The following ATRNL1 variants were observed in gnomAD, a reference collection of about 807,000 sequenced individuals.
ATRNL1 encodes attractin-like protein 1.
In ATRNL1, 95 loss-of-function variants were observed where a neutral mutation model predicts 182.7. The ratio of observed to expected loss-of-function variants is 0.52; its 90% CI spans 0.44 to 0.62. The LOEUF (loss-of-function observed/expected upper bound fraction) is 0.62. ATRNL1 is among the 20% of genes least tolerant of loss of function. The pLI is 0.00. For synonymous variants in ATRNL1, 576 were observed against 568.3 expected (o/e 1.01, Z -0.19); for missense variants, 1,471 against 1,679.5 (o/e 0.88, Z 2.17).
In ATRNL1 at chr10:115,202,939, C is replaced by A. The variant is rs568560918; in HGVS notation, c.1349-12758C>A. Among the ~76,000 whole-genome samples, 196 of 151,166 alleles carry A rather than the reference C, an allele frequency of 1.3e-3. 1 individual carries two copies. Among genetic ancestry groups the A allele is most frequent in the Admixed American group, 2.8e-3 (42 of 15,158 alleles). On this transcript the variant is annotated intron_variant, in intron 8 of 28. Transcript: ENST00000355044. ...GTTATTGGTCTATTCAGAGATTCAA[C>A]TTCTTCCTGGTTTAGTCTTGGGAGA...
chr10:115,578,992 C>T (rs1440816194), intron 26 of ATRNL1, among the ~76,000 whole-genome samples: 3 of 151,530 alleles, frequency 2.0e-5, no homozygotes, highest in Non-Finnish European at 4.4e-5. Context: ...GTTTCATTTT[C>T]ACATATTTGT....
At chr10:115,314,908 G>T (rs1554929065) in intron 17 of ATRNL1, among the ~76,000 whole-genome samples, 1 of 152,190 alleles carries the variant, frequency 6.6e-6, no homozygotes, top group Non-Finnish European at 1.5e-5. Flanking sequence ...TGCTCTGGTT[G>T]CCTGGCTGAA....
intron 27 of ATRNL1, among the ~76,000 whole-genome samples, chr10:115,748,335 C>G (rs2907534): frequency 0.95 from 143,078 of 150,512 alleles, 68,394 homozygotes; most frequent in East Asian, 1. Flanking sequence ...ATTAATGTTA[C>G]TGATCAGCTG....
At chr10:115,761,964 C>G (rs1386500667) in intron 27 of ATRNL1, among the ~76,000 whole-genome samples, 1 of 152,134 alleles carries the variant, frequency 6.6e-6, no homozygotes, top group Non-Finnish European at 1.5e-5. Context: ...CACAAGGGCT[C>G]TTTTCTCTTT....
At chr10:115,927,533 A>C (rs539400103) in intron 28 of ATRNL1, among the ~76,000 whole-genome samples, 1 of 152,108 alleles carries the variant, frequency 6.6e-6, no homozygotes, top group Non-Finnish European at 1.5e-5. Context: ...AGTCCTTTCC[A>C]AACACCATAT....
intron 26 of ATRNL1, among the ~76,000 whole-genome samples, chr10:115,632,527 A>G (rs1430776850): frequency 6.6e-6 from 1 of 152,162 alleles, no homozygotes; most frequent in Non-Finnish European, 1.5e-5. Flanking sequence ...TTTGTAAAGG[A>G]CAAGAACTGT....
At chr10:115,435,918 C>A (rs1237943251) in intron 21 of ATRNL1, among the ~76,000 whole-genome samples, 6 of 152,158 alleles carry the variant, frequency 3.9e-5, no homozygotes, top group Non-Finnish European at 2.9e-5. Context: ...TGACTCATAA[C>A]AGACCTTCAG....
Position 115,093,936 on chromosome 10 carries a change from G to T in ATRNL1, c.186G>T (p.Pro62=). 6.3e-7 allele frequency: 1 copy of T among 1,596,514 alleles called. No individual in the cohort carries two copies. Among genetic ancestry groups the T allele is most frequent in the Non-Finnish European group, 8.5e-7 (1 of 1,172,908 alleles). The change falls in exon 1 of 29, where the codon CCG becomes CCT. Residue 62 remains proline (P), a synonymous_variant. Coordinates refer to ENST00000355044, the MANE Select transcript of ATRNL1 (RefSeq NM_207303.4). This position sits in a 1 kb window ranked among gnomAD's most constrained non-coding sequence, Gnocchi z 6.1. The part of the protein sequence containing the change: ...ALYAQVSQSK[P]CERTGSCFSG... The stretch of plus-strand genomic sequence containing the variant: ...ACGCGCAGGTGTCCCAGTCCAAGCC[G>T]TGCGAGAGGACCGGCTCCTGCTTCT...
chr10:115,177,730 G>A (rs1218621197), intron 8 of ATRNL1, among the ~76,000 whole-genome samples: 1 of 151,048 alleles, frequency 6.6e-6, no homozygotes, highest in African/African-American at 2.4e-5. Context: ...CTGTTTTGAC[G>A]TCCCAAAGTT....
intron 20 of ATRNL1, among the ~76,000 whole-genome samples, chr10:115,400,908 T>C (rs541914574): frequency 7.5e-4 from 114 of 152,200 alleles, no homozygotes; most frequent in African/African-American, 2.6e-3. Flanking sequence ...TGCCTTTCTA[T>C]GTCTTTTAAT....
chr10:115,837,959 A>G (rs1451886654), intron 27 of ATRNL1, among the ~76,000 whole-genome samples: 3 of 152,182 alleles, frequency 2.0e-5, no homozygotes, highest in African/African-American at 7.2e-5. Context: ...GATTCTACCT[A>G]ATATAAAATT....
chr10:115,319,472 T>C (rs1328816239), intron 18 of ATRNL1, among the ~76,000 whole-genome samples: 2 of 152,154 alleles, frequency 1.3e-5, no homozygotes, highest in African/African-American at 4.8e-5. Context: ...CTGTCTAATA[T>C]TGACAGTGGG....
chr10:115,750,668 T>G (rs1948423818), intron 27 of ATRNL1, among the ~76,000 whole-genome samples: 1 of 152,054 alleles, frequency 6.6e-6, no homozygotes, highest in Non-Finnish European at 1.5e-5. Flanking sequence ...GCAAATATTT[T>G]TCACTTGTTA....
At chr10:115,409,035 A>T (rs1845003165) in intron 20 of ATRNL1, among the ~76,000 whole-genome samples, 1 of 151,980 alleles carries the variant, frequency 6.6e-6, no homozygotes, top group African/African-American at 2.4e-5. Flanking sequence ...TTTGCTCAGG[A>T]TTGCTCTGAC....
chr10:115,235,356 A>G (rs906111131), intron 9 of ATRNL1, among the ~76,000 whole-genome samples: 1 of 152,134 alleles, frequency 6.6e-6, no homozygotes, highest in African/African-American at 2.4e-5. Flanking sequence ...TATTTCCATC[A>G]GCCCCAAAAG....
At chr10:115,821,312 C>T (rs927066362) in intron 27 of ATRNL1, among the ~76,000 whole-genome samples, 18 of 152,130 alleles carry the variant, frequency 1.2e-4, no homozygotes, top group Non-Finnish European at 2.2e-4. Flanking sequence ...ATGATGCTAG[C>T]TGGTTATTTT....
Position 115,370,223 on chromosome 10 carries a change from C to T in ATRNL1, c.3176-24436C>T, listed in dbSNP as rs573535724. On this transcript the variant is annotated intron_variant, in intron 19 of 28. Transcript: ENST00000355044. Reference sequence around the variant, plus strand: ...TATAAATTGCCCAGTCTCAGTATGTCTTTATCGGCTGTGTCAAAATGGACT... The same window carrying T: ...TATAAATTGCCCAGTCTCAGTATGTTTTTATCGGCTGTGTCAAAATGGACT... 1.1e-4 allele frequency among the ~76,000 whole-genome samples: 16 copies of T among 152,230 alleles called. No individual in the cohort carries two copies. The South Asian group carries it at 3.3e-3, about 32-fold the overall frequency.
chr10:115,862,765 T>A (rs1320682353), intron 28 of ATRNL1, among the ~76,000 whole-genome samples: 2 of 152,216 alleles, frequency 1.3e-5, no homozygotes, highest in Non-Finnish European at 2.9e-5. Context: ...ATTTTAGTAC[T>A]TTTTTGTAAT....
At chr10:115,489,515 A>G (rs1849191429) in intron 24 of ATRNL1, among the ~76,000 whole-genome samples, 1 of 152,130 alleles carries the variant, frequency 6.6e-6, no homozygotes, top group Admixed American at 6.5e-5. Flanking sequence ...TTGTTGGTTT[A>G]AAGTCTGTTT....
Sources: gnomAD v4.1 joint callset for allele counts (sites outside exome capture counted in the v4.1 genomes callset) on GRCh38, gnomAD v4.1.1 for gene constraint, Gnocchi (gnomAD v3.1) non-coding constraint, MANE v1.5 for transcripts, NCBI Gene and HGNC (gene_info 2026-07-23, HGNC 2026-07-21) for gene names.